LRRFIP2: variants seen among roughly 807,000 people sequenced by gnomAD.
The protein encoded by LRRFIP2 is leucine-rich repeat flightless-interacting protein 2.
In LRRFIP2, 109 loss-of-function variants were observed where a neutral mutation model predicts 125.9. The ratio of observed to expected loss-of-function variants is 0.87; its 90% CI spans 0.74 to 1.01. The LOEUF (loss-of-function observed/expected upper bound fraction) is 1.01. Among genes scored for constraint, LRRFIP2 ranks in the 50% least tolerant of loss-of-function variants. The probability of loss-of-function intolerance (pLI) is 0.00; values close to 1 mark genes in which losing one functional copy is unlikely to be tolerated. For synonymous variants in LRRFIP2, 291 were observed against 293.1 expected (o/e 0.99, Z 0.07); for missense variants, 850 against 862.3 (o/e 0.99, Z 0.18).
chr3:37,126,444 A>C (rs1236313480), intron 4 of LRRFIP2, among the ~76,000 whole-genome samples: 1 of 152,152 alleles, frequency 6.6e-6, no homozygotes, highest in Admixed American at 6.5e-5. Flanking sequence ...CCTGCCCATA[A>C]ATCAAGACTT....
At chr3:37,142,040 A>G (rs1453574106) in intron 2 of LRRFIP2, among the ~76,000 whole-genome samples, 1 of 152,012 alleles carries the variant, frequency 6.6e-6, no homozygotes, top group African/African-American at 2.4e-5. Context: ...AGAGCAAGAG[A>G]TGACTTTTCA....
chr3:37,169,977 G>A (rs1156834218), intron 1 of LRRFIP2, among the ~76,000 whole-genome samples: 1 of 152,094 alleles, frequency 6.6e-6, no homozygotes, highest in Non-Finnish European at 1.5e-5. Flanking sequence ...AGGAGGAAAG[G>A]AAGGCAGAGA....
chr3:37,100,108 G>A (rs1372320154), intron 15 of LRRFIP2, among the ~76,000 whole-genome samples: 4 of 152,114 alleles, frequency 2.6e-5, no homozygotes, highest in Non-Finnish European at 5.9e-5. Flanking sequence ...ATTTGCTCCA[G>A]AGAGAGGCCC....
intron 18 of LRRFIP2, 109 bp from the exon 19 acceptor site, chr3:37,083,915 A>G (rs1051354959): frequency 2.4e-6 from 2 of 824,372 alleles, no homozygotes; most frequent in African/African-American, 1.8e-5. Context: ...GCATTTTCAT[A>G]AAATACAAGC....
rs772812683 is a variant in LRRFIP2 at position 37,083,689 on chromosome 3, C to G, written c.1225G>C (p.Glu409Gln). ...QVDTLKDVIE[E>Q]QEEQMAEFYR... ...AATTCTGCCATCTGTTCCTCCTGCTCTTCAATAACATCCTTGAGTGTGTCT... is the reference window on the plus strand; with the variant it reads ...AATTCTGCCATCTGTTCCTCCTGCTGTTCAATAACATCCTTGAGTGTGTCT... The change falls in exon 19 of 28, where the codon GAG (glutamate) becomes CAG (glutamine). Residue 409 changes from glutamate to glutamine, a missense_variant. Coordinates refer to ENST00000336686, the MANE Select transcript of LRRFIP2 (RefSeq NM_006309.4). 4 of 1,591,664 alleles carry G rather than the reference C, an allele frequency of 2.5e-6. No individual in the cohort carries two copies. In the Admixed American group the frequency reaches 5.4e-5, roughly 22 times the overall value.
intron 2 of LRRFIP2, among the ~76,000 whole-genome samples, chr3:37,141,517 G>A (rs909317875): frequency 6.6e-6 from 1 of 152,208 alleles, no homozygotes; most frequent in Non-Finnish European, 1.5e-5. Flanking sequence ...TGTTTATGGT[G>A]ATACATATTA....
At chr3:37,156,686 A>G (rs1283358512) in intron 1 of LRRFIP2, among the ~76,000 whole-genome samples, 1 of 143,378 alleles carries the variant, frequency 7.0e-6, no homozygotes, top group Non-Finnish European at 1.6e-5. Flanking sequence ...AAAAAAAAAA[A>G]AAAAAAAAAA....
chr3:37,057,783 A>G (rs2087334649), intron 25 of LRRFIP2, among the ~76,000 whole-genome samples: 1 of 152,184 alleles, frequency 6.6e-6, no homozygotes, highest in African/African-American at 2.4e-5. Flanking sequence ...GAAAAATGAA[A>G]ATCTCCTCTG....
intron 19 of LRRFIP2, among the ~76,000 whole-genome samples, chr3:37,082,386 T>G (rs571485279): frequency 1.3e-4 from 20 of 152,188 alleles, no homozygotes; most frequent in Non-Finnish European, 2.5e-4. Flanking sequence ...AGTTTAAGAT[T>G]CACAGTAAAA....
chr3:37,150,602 G>A (rs1051231434), intron 1 of LRRFIP2, among the ~76,000 whole-genome samples: 1 of 152,092 alleles, frequency 6.6e-6, no homozygotes. Flanking sequence ...TGGTTAGATG[G>A]TATTTGAGAT....
chr3:37,160,047 G>T (rs2150212901), intron 1 of LRRFIP2, among the ~76,000 whole-genome samples: 1 of 136,552 alleles, frequency 7.3e-6, no homozygotes. Context: ...TAATTAAGTA[G>T]TTAGACCTCC....
intron 1 of LRRFIP2, among the ~76,000 whole-genome samples, chr3:37,164,265 GAAA>G (rs2096419184): frequency 6.6e-6 from 1 of 152,146 alleles, no homozygotes; most frequent in Non-Finnish European, 1.5e-5. Context: ...TCATTATAAT[GAAA>G]ACACCAACTA....
intron 21 of LRRFIP2, among the ~76,000 whole-genome samples, chr3:37,069,738 T>C (rs1443346941): frequency 6.6e-6 from 1 of 152,232 alleles, no homozygotes; most frequent in African/African-American, 2.4e-5. Context: ...GCACAATTTT[T>C]CAAATTAAAA....
chr3:37,109,515 G>GA lies in LRRFIP2; in HGVS notation c.609+11dup, dbSNP rs2094472881. 5.6e-6 allele frequency: 9 copies of GA among 1,613,686 alleles called. No homozygotes were observed. The highest frequency in any genetic ancestry group is 1.6e-4 in the Middle Eastern group (1 of 6,078). Reference sequence around the variant, plus strand: ...ACCAGCACTGCACACACTGGAAGAGGAAAATACAAACCAGACTGGCACTTC... The same window carrying GA: ...ACCAGCACTGCACACACTGGAAGAGGAAAAATACAAACCAGACTGGCACTTC... On this transcript the variant is annotated intron_variant, in intron 11 of 27. Transcript: ENST00000336686.
chr3:37,065,917 T>G lies in LRRFIP2; in HGVS notation c.1592A>C (p.Asp531Ala). 1 of 1,614,058 alleles carries G rather than the reference T, an allele frequency of 6.2e-7. No individual in the cohort carries two copies. The highest frequency in any genetic ancestry group is 8.5e-7 in the Non-Finnish European group (1 of 1,179,968). ...GEKHGLVIIPDGTPNGDVSHE... is the reference protein window; with the variant it reads ...GEKHGLVIIPAGTPNGDVSHE... ...ACTGACATCACCATTGGGAGTGCCA[T>G]CGGGGATTATAACTAAGCCATGTTT... Residue 531 changes from aspartate to alanine, a missense_variant, in exon 23 of 28, where the codon GAT becomes GCT. Coordinates refer to ENST00000336686, the MANE Select transcript of LRRFIP2 (RefSeq NM_006309.4).
chr3:37,107,168 T>G (rs2094368861), intron 13 of LRRFIP2, among the ~76,000 whole-genome samples: 1 of 151,316 alleles, frequency 6.6e-6, no homozygotes, highest in Non-Finnish European at 1.5e-5. Context: ...CCCAAAGTGC[T>G]GGGATTACAG....
chr3:37,148,518 C>T (rs935021980), intron 2 of LRRFIP2, among the ~76,000 whole-genome samples: 2 of 152,206 alleles, frequency 1.3e-5, no homozygotes, highest in Non-Finnish European at 2.9e-5. Context: ...AGCATGCCAG[C>T]TCCCAAAAAC....
In LRRFIP2 at chr3:37,089,978, A is replaced by C. The variant is rs144357139; in HGVS notation, c.1107+1489T>G. Among the ~76,000 whole-genome samples, 3 of 152,326 alleles carry C rather than the reference A, an allele frequency of 2.0e-5. No homozygotes were observed. The East Asian group carries it at 5.8e-4, about 29-fold the overall frequency. Reference sequence around the variant, plus strand: ...TATCAGCAACTTGCAGGCTTCCCTCATGGGCACTTCCCATTGGACTTCTCA... The same window carrying C: ...TATCAGCAACTTGCAGGCTTCCCTCCTGGGCACTTCCCATTGGACTTCTCA... On this transcript the variant is annotated intron_variant, in intron 18 of 27. Transcript: ENST00000336686.
At chr3:37,122,781 T>C (rs759763598) in intron 4 of LRRFIP2, among the ~76,000 whole-genome samples, 3 of 152,192 alleles carry the variant, frequency 2.0e-5, no homozygotes, top group Non-Finnish European at 2.9e-5. Flanking sequence ...AGCCTAACAG[T>C]TGACTAAATT....
Sources: gnomAD v4.1 joint callset for allele counts (sites outside exome capture counted in the v4.1 genomes callset) on GRCh38, gnomAD v4.1.1 for gene constraint, MANE v1.5 for transcripts, NCBI Gene and HGNC (gene_info 2026-07-23, HGNC 2026-07-21) for gene names.